NHLRC2: variants seen among roughly 807,000 people sequenced by gnomAD.
NHLRC2 encodes the protein NHL repeat-containing protein 2.
A neutral mutation model predicts 68.1 loss-of-function variants in NHLRC2; 33 were observed. The observed-to-expected ratio is 0.48, with a 90% CI of 0.37 to 0.65. The LOEUF is 0.65. Ranked by LOEUF, NHLRC2 falls within the 30% of genes least tolerant of loss-of-function variation. NHLRC2 has a pLI of 0.00. For missense variants in NHLRC2, 761 were observed against 853.8 expected, an observed-to-expected ratio of 0.89 and a Z score of 1.35; for synonymous variants, 311 against 309.6, an observed-to-expected ratio of 1.00 and a Z score of -0.05.
In NHLRC2 at chr10:113,904,867, A is replaced by T. The variant is rs148463420; in HGVS notation, c.1755A>T (p.Val585=). ...ENAVVDGPFL[V]EKQKTLPKLP... ...CTGTGGTAGATGGCCCGTTCCTAGT[A>T]GAAAAACAGAAGACATTACCCAAAC... Residue 585 remains valine (V), a synonymous_variant, in exon 10 of 11, where the codon GTA becomes GTT. Transcript: ENST00000369301. The T allele has an allele frequency of 1.9e-6, 3 of 1,613,348 alleles. No individual in the cohort carries two copies. The Admixed American group carries it at 5.0e-5, about 27-fold the overall frequency.
chr10:113,893,259 G>A (rs1846148955), intron 5 of NHLRC2, among the ~76,000 whole-genome samples: 1 of 152,064 alleles, frequency 6.6e-6, no homozygotes, highest in South Asian at 2.1e-4. Flanking sequence ...AGTCTGCATG[G>A]GTCAGAGGCA....
Position 113,915,617 on chromosome 10 carries a change from A to G in NHLRC2, c.*7081A>G, listed in dbSNP as rs1846375937. On this transcript the variant is annotated 3_prime_UTR_variant, in exon 11 of 11. Transcript: ENST00000369301. ...TCAGACTTAACTCTCCCCAATTAAA[A>G]TAGTTTTTTTTTCCCTTCCCATTTT... The G allele has an allele frequency of 4.4e-6, 1 of 225,060 alleles. No individual in the cohort carries two copies. The highest frequency in any genetic ancestry group is 8.8e-6 in the Non-Finnish European group (1 of 113,836). 13.9% of individuals were successfully genotyped at this position (225,060 alleles called of 1,614,324 possible).
At chr10:113,886,405 A>G (rs953813753) in intron 5 of NHLRC2, among the ~76,000 whole-genome samples, 1 of 152,158 alleles carries the variant, frequency 6.6e-6, no homozygotes, top group Non-Finnish European at 1.5e-5. Flanking sequence ...ATGTGTATGG[A>G]ACTAGAAAAG....
intron 5 of NHLRC2, among the ~76,000 whole-genome samples, chr10:113,891,411 A>C (rs1309165223): frequency 6.6e-6 from 1 of 152,160 alleles, no homozygotes; most frequent in Non-Finnish European, 1.5e-5. Flanking sequence ...TCTTCTCATT[A>C]TTTATTATAT....
intron 4 of NHLRC2, among the ~76,000 whole-genome samples, chr10:113,881,754 C>G (rs1589541872): frequency 6.6e-6 from 1 of 151,634 alleles, no homozygotes; most frequent in Non-Finnish European, 1.5e-5. Flanking sequence ...CTATAATTCA[C>G]TAGTTTTTAG....
chr10:113,897,040 G>A (rs1846184048), intron 5 of NHLRC2, among the ~76,000 whole-genome samples: 1 of 151,138 alleles, frequency 6.6e-6, no homozygotes, highest in Admixed American at 6.6e-5. Flanking sequence ...TTGAAATATT[G>A]TGAATGGAAA....
intron 5 of NHLRC2, among the ~76,000 whole-genome samples, chr10:113,886,179 C>T (rs1192873129): frequency 6.6e-6 from 1 of 151,838 alleles, no homozygotes; most frequent in Non-Finnish European, 1.5e-5. Flanking sequence ...TAAATTTAAC[C>T]AAGGAGGTGG....
At chr10:113,895,083 TG>T (rs1417321447) in intron 5 of NHLRC2, among the ~76,000 whole-genome samples, 1 of 152,172 alleles carries the variant, frequency 6.6e-6, no homozygotes, top group African/African-American at 2.4e-5. Flanking sequence ...TTTTTTAGGG[TG>T]GGCTGCCACT....
intron 2 of NHLRC2, among the ~76,000 whole-genome samples, chr10:113,868,752 A>G (rs571136294): frequency 6.6e-5 from 10 of 152,356 alleles, no homozygotes; most frequent in African/African-American, 2.2e-4. Context: ...ACAGGCTGCT[A>G]TGATGACATT....
chr10:113,865,281 T>TC (rs762900102), intron 2 of NHLRC2, among the ~76,000 whole-genome samples: 5,111 of 109,206 alleles, frequency 0.047, 371 homozygotes, highest in African/African-American at 0.14. Flanking sequence ...TCGCTTTTCA[T>TC]CCCCCCCCCC....
chr10:113,901,503 TA>T (rs1246824742), intron 6 of NHLRC2, among the ~76,000 whole-genome samples, 162 bp from the exon 7 acceptor site: 5 of 152,228 alleles, frequency 3.3e-5, no homozygotes, highest in Non-Finnish European at 7.3e-5. Flanking sequence ...GGAAAAATGA[TA>T]ATGAAAGCTG....
chr10:113,884,336 A>G lies in NHLRC2; in HGVS notation c.995A>G (p.Gln332Arg), dbSNP rs576237551. ...TDKEGGAKGE[Q>R]QPISSPWDVV... ...AAAGAAGGTGGAGCAAAAGGAGAAC[A>G]ACAACCCATTAGTTCCCCTTGGGAT... The change falls in exon 5 of 11, where the codon CAA becomes CGA. Residue 332 changes from glutamine to arginine, a missense_variant. By Grantham distance (43) the Gln-to-Arg change is conservative (BLOSUM62 1). Transcript: ENST00000369301. The G allele has an allele frequency of 1.9e-5, 31 of 1,610,762 alleles. No individual in the cohort carries two copies. The East Asian group carries it at 6.7e-4, about 35-fold the overall frequency.
chr10:113,896,063 T>C (rs1846174411), intron 5 of NHLRC2, among the ~76,000 whole-genome samples: 1 of 152,156 alleles, frequency 6.6e-6, no homozygotes, highest in African/African-American at 2.4e-5. Flanking sequence ...TTTACACTGT[T>C]GGTGGGACTG....
intron 1 of NHLRC2, among the ~76,000 whole-genome samples, chr10:113,855,948 G>A (rs1270389168): frequency 6.6e-6 from 1 of 152,166 alleles, no homozygotes; most frequent in Non-Finnish European, 1.5e-5. Context: ...TAAGTCACAT[G>A]CCCAGGGCCT....
intron 8 of NHLRC2, among the ~76,000 whole-genome samples, 188 bp from the exon 9 acceptor site, chr10:113,903,339 A>G (rs980559103): frequency 1.3e-5 from 2 of 152,200 alleles, no homozygotes; most frequent in East Asian, 1.9e-4. Flanking sequence ...AGAATAGAAT[A>G]TCTCCCCTTA....
In NHLRC2 at chr10:113,869,976, C is replaced by G. The variant is rs374163189; in HGVS notation, c.332-6545C>G. The stretch of plus-strand genomic sequence containing the variant: ...ATATGTATCTTGTGTTTTTCCAGCC[C>G]AACCCTGAGTCAGCTATTTCTTTAA... On this transcript the variant is annotated intron_variant, in intron 2 of 10. Transcript: ENST00000369301. Among the ~76,000 whole-genome samples the G allele has an allele frequency of 1.6e-4, 25 of 152,156 alleles. No homozygotes were observed. The South Asian group carries it at 4.8e-3, about 29-fold the overall frequency.
intron 2 of NHLRC2, among the ~76,000 whole-genome samples, chr10:113,874,067 A>G (rs1475917669): frequency 6.6e-6 from 1 of 152,192 alleles, no homozygotes; most frequent in African/African-American, 2.4e-5. Context: ...GTTTATCAAC[A>G]TGATGCACTT....
rs769683273 is a variant in NHLRC2 at position 113,879,653 on chromosome 10, TATC to T, written c.870_872del (p.Ile291del). The T allele has an allele frequency of 3.8e-6, 6 of 1,560,944 alleles. No homozygotes were observed. In the Admixed American group the frequency reaches 8.8e-5, roughly 23 times the overall value. On this transcript the variant is annotated inframe_deletion, in exon 4 of 11. Coordinates refer to ENST00000369301, the MANE Select transcript of NHLRC2 (RefSeq NM_198514.4). ...CACAGGGTGTAGCCATAATGAATAATATCATATATGTGGCAGACACTGAAAACC... is the reference window on the plus strand; with the variant it reads ...CACAGGGTGTAGCCATAATGAATAATATATATGTGGCAGACACTGAAAACC...
chr10:113,895,266 A>G lies in NHLRC2; in HGVS notation c.1040-2844A>G, dbSNP rs545841574. On this transcript the variant is annotated intron_variant, in intron 5 of 10. Coordinates refer to ENST00000369301, the MANE Select transcript of NHLRC2 (RefSeq NM_198514.4). ...TTCTAGGGGAAAGTTTACTCATTCA[A>G]CAAATACCTACTGAGCATTTGGCAT... 2.0e-5 allele frequency among the ~76,000 whole-genome samples: 3 copies of G among 152,356 alleles called. No individual in the cohort carries two copies. The South Asian group carries it at 6.2e-4, about 32-fold the overall frequency.
Sources: gnomAD v4.1 joint callset for allele counts (sites outside exome capture counted in the v4.1 genomes callset) on GRCh38, gnomAD v4.1.1 for gene constraint, MANE v1.5 for transcripts, NCBI Gene and HGNC (gene_info 2026-07-23, HGNC 2026-07-21) for gene names.